MCPH1: variants seen among roughly 807,000 people sequenced by gnomAD.
MCPH1 encodes microcephalin.
In MCPH1, 104 loss-of-function variants were observed where a neutral mutation model predicts 84.5. The observed-to-expected ratio is 1.23, with a 90% CI of 1.05 to 1.45. The LOEUF (loss-of-function observed/expected upper bound fraction) is 1.45. Among genes scored for constraint, MCPH1 ranks in the 40% most tolerant of loss-of-function variants. The pLI is 0.00. For synonymous variants in MCPH1, 514 were observed against 366.8 expected, an observed-to-expected ratio of 1.40 and a Z score of -4.58; for missense variants, 1,498 against 1,005.7, an observed-to-expected ratio of 1.49 and a Z score of -6.62.
At chr8:6,446,277 T>C (rs1804353392) in intron 8 of MCPH1, 1 of 985,026 alleles carries the variant, frequency 1.0e-6, no homozygotes, top group Admixed American at 6.1e-5. Context: ...CAACCAAAAT[T>C]GAAGAAATCT....
chr8:6,502,345 A>G (rs192082001), intron 12 of MCPH1: 3 of 152,356 alleles, frequency 2.0e-5, no homozygotes, highest in African/African-American at 7.2e-5. Context: ...ATATTTAACA[A>G]TCAGGCAGAA....
rs967286794 is a variant in MCPH1, at chr8:6,647,873, T to C, written c.*4824T>C. Reference sequence around the variant, plus strand: ...CTAAAATCAATGAACAGAACACTTTTAATGGGTAAGCCTTAAGGCATGTGA... The same window carrying C: ...CTAAAATCAATGAACAGAACACTTTCAATGGGTAAGCCTTAAGGCATGTGA... On this transcript the variant is annotated 3_prime_UTR_variant, in exon 14 of 14. Coordinates refer to ENST00000344683, the MANE Select transcript of MCPH1 (RefSeq NM_024596.5). 1 of 152,198 alleles carries C rather than the reference T, an allele frequency of 6.6e-6. No homozygotes were observed. Among genetic ancestry groups the C allele is most frequent in the African/African-American group, 2.4e-5 (1 of 41,428 alleles). The allele number at this position is 152,198 out of a possible 1,614,324, so 9.4% of individuals were successfully genotyped here.
chr8:6,521,390 A>G, intron 12 of MCPH1: 1 of 1,611,062 alleles, frequency 6.2e-7, no homozygotes, highest in Non-Finnish European at 8.5e-7. Flanking sequence ...TTCCATAGCT[A>G]GCACCTTCTT....
At chr8:6,493,892 G>A (rs960372180) in intron 11 of MCPH1, among the ~76,000 whole-genome samples, 1 of 151,992 alleles carries the variant, frequency 6.6e-6, no homozygotes, top group East Asian at 1.9e-4. Context: ...ACTGTGGCTT[G>A]AACACTTTCA....
chr8:6,435,926 C>G, intron 4 of MCPH1, 122 bp from the exon 5 acceptor site: 2 of 1,187,080 alleles, frequency 1.7e-6, no homozygotes, highest in Middle Eastern at 2.2e-4. Flanking sequence ...GCAAGAAACA[C>G]CTCTTTTAGA....
intron 12 of MCPH1, among the ~76,000 whole-genome samples, chr8:6,555,635 T>C (rs996444530): frequency 6.6e-6 from 1 of 152,022 alleles, no homozygotes; most frequent in Admixed American, 6.6e-5. Context: ...GTGATTTTTA[T>C]ATTTTTTGGT....
chr8:6,490,580 T>A (rs2129561053), intron 11 of MCPH1, among the ~76,000 whole-genome samples: 2 of 152,302 alleles, frequency 1.3e-5, no homozygotes, highest in South Asian at 4.1e-4. Flanking sequence ...TAGGAAACTG[T>A]TGTACTTTTT....
chr8:6,483,281 A>G (rs972433828), intron 11 of MCPH1, among the ~76,000 whole-genome samples: 2 of 152,254 alleles, frequency 1.3e-5, no homozygotes, highest in African/African-American at 4.8e-5. Flanking sequence ...ACACATTCTC[A>G]TTCAAAATCT....
chr8:6,604,993 C>T (rs187076176), intron 12 of MCPH1, among the ~76,000 whole-genome samples: 22 of 152,274 alleles, frequency 1.4e-4, no homozygotes, highest in Non-Finnish European at 1.2e-4. Flanking sequence ...TCGGTGCCAT[C>T]CCTTCATTTC....
At chr8:6,639,665 TAA>T (rs202053630) in intron 13 of MCPH1, among the ~76,000 whole-genome samples, 10 of 137,210 alleles carry the variant, frequency 7.3e-5, no homozygotes, top group African/African-American at 5.4e-5. Flanking sequence ...CCTGTCTCTT[TAA>T]AAAAAAAAAA....
At position 6,626,105 on chromosome 8, in the gene MCPH1, C is replaced by T. The variant is rs186849268; in HGVS notation, c.2452+4414C>T. On this transcript the variant is annotated intron_variant, in intron 13 of 13. Coordinates refer to ENST00000344683, the MANE Select transcript of MCPH1 (RefSeq NM_024596.5). Reference sequence around the variant, plus strand: ...AAGACCAACAACTCCATATCTATGACGATAAAAATTGTTAGTGATTATTTT... The same window carrying T: ...AAGACCAACAACTCCATATCTATGATGATAAAAATTGTTAGTGATTATTTT... 190 of 985,334 alleles carry T rather than the reference C, an allele frequency of 1.9e-4. 1 individual carries two copies. In the Admixed American group the frequency reaches 8.7e-3, roughly 45 times the overall value. The allele number at this position is 985,334 out of a possible 1,614,324, so 61.0% of individuals were successfully genotyped here.
At chr8:6,416,582 T>C (rs1443294012) in intron 3 of MCPH1, among the ~76,000 whole-genome samples, 1 of 152,232 alleles carries the variant, frequency 6.6e-6, no homozygotes, top group African/African-American at 2.4e-5. Context: ...CATGTGATTT[T>C]TGTCCTTCAT....
intron 3 of MCPH1, among the ~76,000 whole-genome samples, chr8:6,423,159 A>G (rs1346920431): frequency 1.3e-5 from 2 of 148,688 alleles, no homozygotes; most frequent in Non-Finnish European, 3.0e-5. Flanking sequence ...TCAAAAGTGA[A>G]CTTAATCTTT....
At chr8:6,479,899 A>G (rs917374868) in intron 10 of MCPH1, among the ~76,000 whole-genome samples, 5 of 152,136 alleles carry the variant, frequency 3.3e-5, no homozygotes, top group African/African-American at 1.2e-4. Flanking sequence ...TAGGTCCCAG[A>G]TTTGATTTGA....
chr8:6,626,949 G>A, intron 13 of MCPH1: 1 of 984,570 alleles, frequency 1.0e-6, no homozygotes, highest in Non-Finnish European at 1.2e-6. Flanking sequence ...TTATGCTATT[G>A]TGGGAACATA....
At chr8:6,588,199 C>T (rs1828147517) in intron 12 of MCPH1, among the ~76,000 whole-genome samples, 1 of 152,152 alleles carries the variant, frequency 6.6e-6, no homozygotes, top group African/African-American at 2.4e-5. Flanking sequence ...CTGTCCCCTC[C>T]ACCTTCTCCT....
intron 12 of MCPH1, chr8:6,503,057 C>G (rs1301064063): frequency 1.9e-6 from 3 of 1,610,404 alleles, no homozygotes; most frequent in South Asian, 1.1e-5. Context: ...GGGCTTAAGT[C>G]TTTGAAAATA....
Position 6,419,819 on chromosome 8 carries a change from C to G in MCPH1, c.233+4936C>G, listed in dbSNP as rs567914696. Among the ~76,000 whole-genome samples the G allele has an allele frequency of 4.6e-5, 7 of 152,166 alleles. No homozygotes were observed. In the East Asian group the frequency reaches 1.4e-3, roughly 29 times the overall value. ...CAGCTGATAATATTTGATTCAAGTT[C>G]AAGGGTTTTGTTATATTCTTCAGTT... is the stretch of plus-strand genomic sequence containing the variant. On this transcript the variant is annotated intron_variant, in intron 3 of 13. Coordinates refer to ENST00000344683, the MANE Select transcript of MCPH1 (RefSeq NM_024596.5).
At chr8:6,498,084 C>T (rs1049362611) in intron 11 of MCPH1, among the ~76,000 whole-genome samples, 14 of 152,120 alleles carry the variant, frequency 9.2e-5, no homozygotes, top group Non-Finnish European at 1.8e-4. Flanking sequence ...AGATGCAGTT[C>T]CTATTTAAAT....
Sources: allele counts gnomAD v4.1 joint callset (sites outside exome capture counted in the v4.1 genomes callset), GRCh38; gene constraint gnomAD v4.1.1; transcripts MANE v1.5; gene names NCBI Gene and HGNC (gene_info 2026-07-23, HGNC 2026-07-21).